SH3D21: variants seen among roughly 807,000 people sequenced by gnomAD.
The protein encoded by SH3D21 is manchette microtubule inner protein 1, also known as SH3 domain-containing protein 21.
In SH3D21, 83 loss-of-function variants were observed where a neutral mutation model predicts 82.1. The observed-to-expected ratio is 1.01, with a 90% CI of 0.85 to 1.21. SH3D21 has a LOEUF of 1.21. SH3D21 is among the 50% of genes most tolerant of loss of function. SH3D21 has a pLI of 0.00. For missense variants in SH3D21, 980 were observed against 962.1 expected (o/e 1.02, Z -0.25); for synonymous variants, 383 against 387.8 (o/e 0.99, Z 0.15).
Position 36,319,914 on chromosome 1 carries a change from G to A in SH3D21, c.1251G>A (p.Glu417=). Reference sequence around the variant, plus strand: ...CTCCTGACAAAGTCCCCACCCCAGAGAAGATGGTGACTCCGGAGGACAAGG... The same window carrying A: ...CTCCTGACAAAGTCCCCACCCCAGAAAAGATGGTGACTCCGGAGGACAAGG... ...IPAPDKVPTP[E]KMVTPEDKAS... The change falls in exon 14 of 16, where the codon GAG becomes GAA. Residue 417 remains glutamate, a synonymous_variant. Transcript: ENST00000453908. 6.2e-7 allele frequency: 1 copy of A among 1,613,984 alleles called. No homozygotes were observed. The highest frequency in any genetic ancestry group is 1.1e-5 in the South Asian group (1 of 91,058).
intron 10 of SH3D21, among the ~76,000 whole-genome samples, chr1:36,315,046 G>C (rs144531520): frequency 1.3e-5 from 2 of 151,964 alleles, no homozygotes; most frequent in African/African-American, 4.8e-5. Flanking sequence ...AGGCTGAGGC[G>C]GGCAGATTGC....
chr1:36,308,085 G>T (rs572157528), intron 7 of SH3D21, 24 bp from the exon 8 acceptor site: 1 of 1,545,488 alleles, frequency 6.5e-7, no homozygotes, highest in South Asian at 1.2e-5. Flanking sequence ...GGCTTCAGAG[G>T]ACAGTGGACT....
At chr1:36,319,651 A>C in intron 13 of SH3D21, 24 bp from the exon 14 acceptor site, 1 of 1,561,374 alleles carries the variant, frequency 6.4e-7, no homozygotes, top group Non-Finnish European at 8.7e-7. Flanking sequence ...ACCTCAGCTG[A>C]GACTTCACCT....
At chr1:36,325,736 G>A (rs753674407), downstream of SH3D21, among the ~76,000 whole-genome samples, 1 of 152,138 alleles carries the variant, frequency 6.6e-6, no homozygotes, top group Non-Finnish European at 1.5e-5. Flanking sequence ...AGTAGAGACC[G>A]GGTTTCACCA....
chr1:36,319,622 C>A (rs78549594), intron 13 of SH3D21, 53 bp from the exon 14 acceptor site: 3 of 1,548,256 alleles, frequency 1.9e-6, no homozygotes, highest in East Asian at 4.9e-5. Flanking sequence ...GTCTCCCAGG[C>A]CAAGGGGAAC....
At position 36,320,141 on chromosome 1, in the gene SH3D21, AAG is replaced by A; in HGVS notation, c.1481_1482del (p.Glu494GlyfsTer6). ...GTCTTGACCCCAGAGCTTTCTGAAG[AAG>A]AGGTGTCCACCAGAGATGACATTCA... On this transcript the variant is annotated frameshift_variant, in exon 14 of 16. Coordinates refer to ENST00000453908, the MANE Select transcript of SH3D21 (RefSeq NM_001162530.2). LOFTEE classifies it high-confidence loss of function. The A allele has an allele frequency of 6.2e-7, 1 of 1,613,906 alleles. No homozygotes were observed. The highest frequency in any genetic ancestry group is 8.5e-7 in the Non-Finnish European group (1 of 1,180,040).
At chr1:36,317,256 T>A (rs1054854686) in intron 10 of SH3D21, among the ~76,000 whole-genome samples, 21 of 152,214 alleles carry the variant, frequency 1.4e-4, no homozygotes, top group African/African-American at 5.1e-4. Flanking sequence ...AATGAGGACA[T>A]TGAGGCATAG....
intron 14 of SH3D21, 31 bp from the exon 15 acceptor site, chr1:36,320,869 TCCAGCCCTCACCTGC>T (rs1482948481): frequency 1.9e-6 from 3 of 1,551,380 alleles, no homozygotes; most frequent in Admixed American, 2.0e-5. Context: ...GCCCCTCACC[TCCAGCCCTCACCTGC>T]CCAGCCCCTC....
In SH3D21 at chr1:36,320,256, C is replaced by T; in HGVS notation, c.1593C>T (p.His531=). The part of the protein sequence containing the change: ...KEDPSSQEEA[H]TPEAPPPQPP... Reference sequence around the variant, plus strand: ...ATCCATCATCCCAGGAGGAGGCCCACACGCCAGAGGCACCCCCACCCCAGC... The same window carrying T: ...ATCCATCATCCCAGGAGGAGGCCCATACGCCAGAGGCACCCCCACCCCAGC... Residue 531 remains histidine, a synonymous_variant, in exon 14 of 16, where the codon CAC becomes CAT. Transcript: ENST00000453908. The T allele has an allele frequency of 3.7e-6, 6 of 1,612,938 alleles. No individual in the cohort carries two copies. The highest frequency in any genetic ancestry group is 5.1e-6 in the Non-Finnish European group (6 of 1,179,912).
At position 36,320,509 on chromosome 1, in the gene SH3D21, G is replaced by A. The variant is rs761915057; in HGVS notation, c.1846G>A (p.Val616Met). 7.4e-6 allele frequency: 12 copies of A among 1,614,022 alleles called. No individual in the cohort carries two copies. In the African/African-American group the frequency reaches 1.3e-4, roughly 18 times the overall value. Residue 616 changes from valine to methionine, a missense_variant, in exon 14 of 16, where the codon GTG becomes ATG. Val to Met is a conservative substitution (Grantham distance 21). Transcript: ENST00000453908. ...PNEQRPLREE[V>M]LPKEGVASKE... Reference sequence around the variant, plus strand: ...CGAGCAGAGGCCTCTGAGAGAGGAGGTGCTCCCCAAAGAGGGAGTGGCTTC... The same window carrying A: ...CGAGCAGAGGCCTCTGAGAGAGGAGATGCTCCCCAAAGAGGGAGTGGCTTC...
chr1:36,325,533 GT>G (rs367578761), downstream of SH3D21, among the ~76,000 whole-genome samples: 3 of 148,632 alleles, frequency 2.0e-5, no homozygotes, highest in South Asian at 2.1e-4. Context: ...CTGAGGGACA[GT>G]TTTTTTTTTG....
Position 36,321,311 on chromosome 1 carries a change from G to GGCACATCTGGC in SH3D21, c.*185_*195dup, listed in dbSNP as rs1553131504. The stretch of plus-strand genomic sequence containing the variant: ...TCCGCATTCCTGACGGTCCCTCCCA[G>GGCACATCTGGC]GCACATCTGGCCAACATGTGGCTCC... On this transcript the variant is annotated 3_prime_UTR_variant, in exon 16 of 16. Transcript: ENST00000453908. This position sits in a 1 kb window ranked among gnomAD's most constrained non-coding sequence, Gnocchi z 6.1. 1 of 1,435,688 alleles carries GGCACATCTGGC rather than the reference G, an allele frequency of 7.0e-7. No individual in the cohort carries two copies. Among genetic ancestry groups the GGCACATCTGGC allele is most frequent in the Non-Finnish European group, 9.1e-7 (1 of 1,100,300 alleles). The allele number at this position is 1,435,688 out of a possible 1,614,324, so 88.9% of individuals were successfully genotyped here. A position where few individuals can be genotyped will look rare whatever the true frequency, so the allele number is the denominator to read the frequency against.
At chr1:36,321,636 C>T (rs892745974), downstream of SH3D21, 13 of 1,014,648 alleles carry the variant, frequency 1.3e-5, no homozygotes, top group African/African-American at 1.4e-4. This position sits in a 1 kb window ranked among gnomAD's most constrained non-coding sequence, Gnocchi z 6.1. Flanking sequence ...GTCCACCGTC[C>T]AGCCCAAGCA....
chr1:36,306,794 C>T lies in SH3D21; in HGVS notation c.162+39C>T. The T allele has an allele frequency of 2.3e-6, 3 of 1,291,114 alleles. No homozygotes were observed. Among genetic ancestry groups the T allele is most frequent in the Non-Finnish European group, 3.0e-6 (3 of 987,638 alleles). The allele number at this position is 1,291,114 out of a possible 1,614,324, so 80.0% of individuals were successfully genotyped here. On this transcript the variant is annotated intron_variant, in intron 2 of 15. Coordinates refer to ENST00000453908, the MANE Select transcript of SH3D21 (RefSeq NM_001162530.2). The surrounding 1 kb of genome is among the most constrained non-coding windows in gnomAD (Gnocchi z 4.5). ...AGGGGCGGGCTGTGGGGTCTCAGCG[C>T]GCGCCCCCCGGGAGCTGAGAGCGCC...
chr1:36,329,672 T>C (rs906402735), downstream of SH3D21, among the ~76,000 whole-genome samples: 1 of 151,696 alleles, frequency 6.6e-6, no homozygotes, highest in African/African-American at 2.4e-5. Context: ...TGATCAATAA[T>C]TGGATATATG....
At chr1:36,312,189 T>C (rs1324464956) in intron 10 of SH3D21, among the ~76,000 whole-genome samples, 1 of 151,860 alleles carries the variant, frequency 6.6e-6, no homozygotes, top group African/African-American at 2.4e-5. Context: ...CACGCCCGGC[T>C]AATTTTTTGT....
chr1:36,306,738 C>G lies in SH3D21; in HGVS notation c.145C>G (p.Pro49Ala), dbSNP rs1344901120. ...GTTTGGGGGCCGCTATGGCCTCTTCCCCGAGCGCCTGGTGCAGGTGAGGCC... is the reference window on the plus strand; with the variant it reads ...GTTTGGGGGCCGCTATGGCCTCTTCGCCGAGCGCCTGGTGCAGGTGAGGCC... ...GEFGGRYGLF[P>A]ERLVQEIPET... Residue 49 changes from proline to alanine, a missense_variant, in exon 2 of 16, where the codon CCC (proline) becomes GCC (alanine). Pro to Ala is a conservative substitution (Grantham distance 27). Coordinates refer to ENST00000453908, the MANE Select transcript of SH3D21 (RefSeq NM_001162530.2). The surrounding 1 kb of genome is among the most constrained non-coding windows in gnomAD (Gnocchi z 4.5). The G allele has an allele frequency of 7.8e-7, 1 of 1,289,972 alleles. No individual in the cohort carries two copies. The highest frequency in any genetic ancestry group is 5.6e-5 in the East Asian group (1 of 17,772). 79.9% of individuals were successfully genotyped at this position (1,289,972 alleles called of 1,614,324 possible). A position where few individuals can be genotyped will look rare whatever the true frequency, so the allele number is the denominator to read the frequency against.
intron 10 of SH3D21, among the ~76,000 whole-genome samples, chr1:36,317,417 GC>G (rs1347336077): frequency 6.6e-6 from 1 of 152,220 alleles, no homozygotes; most frequent in East Asian, 1.9e-4. Context: ...GTTAACATCA[GC>G]ACTTGTGCAC....
chr1:36,322,609 G>C, downstream of SH3D21: 1 of 1,550,296 alleles, frequency 6.5e-7, no homozygotes, highest in Non-Finnish European at 8.7e-7. Flanking sequence ...CGCTGAGCCG[G>C]GCCCCGGGGC....
Sources: gnomAD v4.1 joint callset for allele counts (sites outside exome capture counted in the v4.1 genomes callset) on GRCh38, gnomAD v4.1.1 for gene constraint, Gnocchi (gnomAD v3.1) non-coding constraint, MANE v1.5 for transcripts, NCBI Gene and HGNC (gene_info 2026-07-23, HGNC 2026-07-21) for gene names.